The following CDH2 variants were observed in gnomAD, a reference collection of about 807,000 sequenced individuals.
CDH2 encodes cadherin 2, also known as cadherin-2.
A neutral mutation model predicts 92.0 loss-of-function variants in CDH2; 17 were observed. The ratio of observed to expected loss-of-function variants is 0.18; its 90% confidence interval spans 0.13 to 0.28. CDH2 has a LOEUF of 0.28. Ranked by LOEUF, CDH2 falls within the 10% of genes least tolerant of loss-of-function variation. CDH2 has a pLI of 1.00. For missense variants in CDH2, 862 were observed against 1,133.1 expected (o/e 0.76, Z 3.44); for synonymous variants, 419 against 415.9 (o/e 1.01, Z -0.09).
At chr18:28,157,268 G>C (rs1473511490) in intron 1 of CDH2, among the ~76,000 whole-genome samples, 2 of 152,122 alleles carry the variant, frequency 1.3e-5, no homozygotes, top group Non-Finnish European at 2.9e-5. Flanking sequence ...TTATCAAATA[G>C]TATAGCACTT....
chr18:27,961,672 G>C (rs923753119), intron 15 of CDH2, among the ~76,000 whole-genome samples: 1 of 152,178 alleles, frequency 6.6e-6, no homozygotes, highest in Admixed American at 6.5e-5. Flanking sequence ...CTGTTTGTTT[G>C]ATCTTTAGCA....
At chr18:27,959,718 T>C (rs2011346807) in intron 15 of CDH2, among the ~76,000 whole-genome samples, 1 of 152,224 alleles carries the variant, frequency 6.6e-6, no homozygotes. Flanking sequence ...CATCATCTCC[T>C]TAAAACTATC....
chr18:28,034,399 G>A (rs535565730), intron 2 of CDH2, among the ~76,000 whole-genome samples: 6 of 152,094 alleles, frequency 3.9e-5, no homozygotes, highest in South Asian at 4.1e-4. Flanking sequence ...AAGCAAAGGC[G>A]AAAACCTACA....
At chr18:28,050,242 G>A (rs545669113) in intron 2 of CDH2, among the ~76,000 whole-genome samples, 1 of 152,126 alleles carries the variant, frequency 6.6e-6, no homozygotes, top group Non-Finnish European at 1.5e-5. Flanking sequence ...ATCACAAATA[G>A]AGCCCATTTT....
intron 2 of CDH2, among the ~76,000 whole-genome samples, chr18:28,133,434 T>C (rs2015806760): frequency 6.6e-6 from 1 of 151,576 alleles, no homozygotes; most frequent in Non-Finnish European, 1.5e-5. Flanking sequence ...ATACAAAAAA[T>C]TAGCCGGGTG....
At chr18:27,990,030 A>G in intron 10 of CDH2, 67 bp downstream of exon 10, 1 of 1,331,800 alleles carries the variant, frequency 7.5e-7, no homozygotes, top group Non-Finnish European at 1.0e-6. Context: ...ATAGTGAATT[A>G]GATAAATTTT....
intron 6 of CDH2, among the ~76,000 whole-genome samples, chr18:27,944,754 TAAA>T (rs869217652): frequency 3.6e-5 from 3 of 83,568 alleles, no homozygotes; most frequent in Admixed American, 1.5e-4. Context: ...ACTTCCTTTC[TAAA>T]AAAAAAAAAA....
chr18:27,944,232 A>G (rs538174707), intron 6 of CDH2, among the ~76,000 whole-genome samples: 4 of 152,328 alleles, frequency 2.6e-5, no homozygotes, highest in Admixed American at 1.3e-4. Context: ...TAGAAACTAG[A>G]AAAATAAGCT....
rs144602205 is a variant in CDH2 at position 28,127,161 on chromosome 18, T to C, written c.172+20512A>G. Among the ~76,000 whole-genome samples the C allele has an allele frequency of 3.3e-5, 5 of 152,306 alleles. No individual in the cohort carries two copies. In the East Asian group the frequency reaches 9.7e-4, roughly 29 times the overall value. On this transcript the variant is annotated intron_variant, in intron 2 of 15. Transcript: ENST00000269141. ...GAAAAACTGTATTAATTTTTAAAAA[T>C]GATGAGTATTGTGTTATTTATGAAA... is the stretch of plus-strand genomic sequence containing the variant.
At chr18:28,075,741 T>C (rs2014706551) in intron 2 of CDH2, among the ~76,000 whole-genome samples, 1 of 152,214 alleles carries the variant, frequency 6.6e-6, no homozygotes, top group African/African-American at 2.4e-5. Flanking sequence ...TCTGCCTATC[T>C]GCTTTACTGT....
chr18:28,123,049 TAA>T (rs1017768467), intron 2 of CDH2, among the ~76,000 whole-genome samples: 32 of 152,274 alleles, frequency 2.1e-4, no homozygotes, highest in African/African-American at 7.5e-4. Context: ...ACTTTTTATA[TAA>T]GAGATCAATT....
chr18:28,084,546 T>C (rs1181560998), intron 2 of CDH2, among the ~76,000 whole-genome samples: 1 of 151,322 alleles, frequency 6.6e-6, no homozygotes, highest in Non-Finnish European at 1.5e-5. Flanking sequence ...AGAAAGGGAA[T>C]AGTACTTGGA....
intron 2 of CDH2, among the ~76,000 whole-genome samples, chr18:28,141,215 AGATATATACACAATG>A (rs2015947624): frequency 6.6e-6 from 1 of 151,982 alleles, no homozygotes; most frequent in South Asian, 2.1e-4. Context: ...AAAAGTATAC[AGATATATACACAATG>A]GAATACATTT....
At chr18:28,078,616 C>A (rs1244338739) in intron 2 of CDH2, among the ~76,000 whole-genome samples, 1 of 152,016 alleles carries the variant, frequency 6.6e-6, no homozygotes, top group Non-Finnish European at 1.5e-5. Flanking sequence ...GATATTCCAG[C>A]TATACTAAAT....
At chr18:27,975,548 G>A (rs903975403) in intron 14 of CDH2, among the ~76,000 whole-genome samples, 7 of 152,232 alleles carry the variant, frequency 4.6e-5, no homozygotes, top group Non-Finnish European at 8.8e-5. Context: ...ACTCCGTGCA[G>A]GCCCTGTGGT....
At chr18:28,038,727 T>A (rs1418383015) in intron 2 of CDH2, among the ~76,000 whole-genome samples, 1 of 152,142 alleles carries the variant, frequency 6.6e-6, no homozygotes, top group African/African-American at 2.4e-5. Context: ...TTACAAAATG[T>A]ACTGATGTCA....
At chr18:28,101,746 C>A (rs1408419100) in intron 2 of CDH2, among the ~76,000 whole-genome samples, 1 of 152,032 alleles carries the variant, frequency 6.6e-6, no homozygotes, top group African/African-American at 2.4e-5. Flanking sequence ...GTTTGAGGTA[C>A]ACAATAGATT....
At position 28,006,510 on chromosome 18, in the gene CDH2, G is replaced by A. The variant is rs141991992; in HGVS notation, c.703-517C>T. On this transcript the variant is annotated intron_variant, in intron 5 of 15. Transcript: ENST00000269141. The stretch of plus-strand genomic sequence containing the variant: ...AGGAGGGCGGATCACCTGAGGTCAG[G>A]AGTTTGAGACCAGCCTGGCCAACAT... 2.8e-3 allele frequency among the ~76,000 whole-genome samples: 429 copies of A among 151,936 alleles called. 2 individuals carry two copies. Among genetic ancestry groups the A allele is most frequent in the African/African-American group, 0.01 (422 of 41,440 alleles).
chr18:27,938,199 C>T (rs1252832552), intron 6 of CDH2, among the ~76,000 whole-genome samples: 1 of 152,032 alleles, frequency 6.6e-6, no homozygotes, highest in African/African-American at 2.4e-5. Context: ...TTTCTGAGGC[C>T]TCCCCGGAAG....
Sources: allele counts gnomAD v4.1 joint callset (sites outside exome capture counted in the v4.1 genomes callset), GRCh38; gene constraint gnomAD v4.1.1; transcripts MANE v1.5; gene names NCBI Gene and HGNC (gene_info 2026-07-23, HGNC 2026-07-21).